The following PHKA1 variants were observed in gnomAD, a reference collection of about 807,000 sequenced individuals.
PHKA1 encodes phosphorylase b kinase regulatory subunit alpha, skeletal muscle isoform.
PHKA1 carries 60 observed loss-of-function variants against 110.2 expected under a neutral mutation model. The observed-to-expected ratio is 0.54, with a 90% confidence interval of 0.44 to 0.68. The LOEUF is 0.68. PHKA1 is among the 30% of genes least tolerant of loss of function. The pLI, the probability that PHKA1 is intolerant of heterozygous loss-of-function variation, is 0.00. For synonymous variants in PHKA1, 316 were observed against 333.6 expected, an observed-to-expected ratio of 0.95 and a Z score of 0.58; for missense variants, 801 against 942.5, an observed-to-expected ratio of 0.85 and a Z score of 1.97.
intron 3 of PHKA1, among the ~76,000 whole-genome samples, chrX:72,696,497 G>A (rs782170722): frequency 3.0e-4 from 33 of 111,139 alleles, no homozygotes; most frequent in African/African-American, 1.1e-3. Flanking sequence ...TGCCTCCTTT[G>A]GAAAGACTTA....
chrX:72,711,537 G>A (rs1243491220), intron 2 of PHKA1, among the ~76,000 whole-genome samples: 1 of 111,608 alleles, frequency 9.0e-6, no homozygotes, highest in Non-Finnish European at 1.9e-5. Flanking sequence ...AAGGTCAGGA[G>A]ATTGAGACCA....
At chrX:72,665,570 G>T (rs1434171200) in intron 8 of PHKA1, among the ~76,000 whole-genome samples, 2 of 111,164 alleles carry the variant, frequency 1.8e-5, no homozygotes, top group African/African-American at 6.6e-5. Context: ...GAGGACACAA[G>T]AACAACAAAA....
At chrX:72,657,072 T>G (rs906664185) in intron 9 of PHKA1, among the ~76,000 whole-genome samples, 1 of 112,028 alleles carries the variant, frequency 8.9e-6, no homozygotes, top group Non-Finnish European at 1.9e-5. Flanking sequence ...GTTCAATCCC[T>G]TTAATGATAC....
At chrX:72,667,254 A>C in intron 7 of PHKA1, 121 bp downstream of exon 7, 1 of 544,687 alleles carries the variant, frequency 1.8e-6, no homozygotes, top group East Asian at 3.6e-5. Flanking sequence ...TTTTTGGTAC[A>C]TGGTAATTAA....
At chrX:72,619,887 T>C (rs2052951636) in intron 19 of PHKA1, among the ~76,000 whole-genome samples, 1 of 112,052 alleles carries the variant, frequency 8.9e-6, no homozygotes, top group Non-Finnish European at 1.9e-5. Flanking sequence ...CTCAAATAAC[T>C]GTTCAAGCAA....
At chrX:72,668,197 C>T (rs1265678629) in intron 6 of PHKA1, among the ~76,000 whole-genome samples, 1 of 111,650 alleles carries the variant, frequency 9.0e-6, no homozygotes. Flanking sequence ...TCCTTGAGGT[C>T]GGGGATTATG....
Position 72,578,957 on chromosome X carries a change from G to A in PHKA1, c.*2045C>T, listed in dbSNP as rs564526188. ...ACTTAAAATGAACAAAAAACAAGTC[G>A]AGTTTTCTTAAAAGTTGCTTTAAAA... is the stretch of plus-strand genomic sequence containing the variant. On this transcript the variant is annotated 3_prime_UTR_variant, in exon 32 of 32. Coordinates refer to ENST00000373542, the MANE Select transcript of PHKA1 (RefSeq NM_002637.4). The A allele has an allele frequency of 6.3e-5, 7 of 111,924 alleles. No homozygotes were observed. In the South Asian group the frequency reaches 2.6e-3, roughly 42 times the overall value. 9.2% of individuals were successfully genotyped at this position (111,924 alleles called of 1,213,427 possible).
intron 29 of PHKA1, among the ~76,000 whole-genome samples, chrX:72,590,473 T>C (rs1329767189): frequency 5.4e-5 from 6 of 112,006 alleles, no homozygotes; most frequent in Non-Finnish European, 1.1e-4. Flanking sequence ...ATAAAAGCCC[T>C]AGAAGAAAAC....
intron 29 of PHKA1, among the ~76,000 whole-genome samples, chrX:72,587,685 C>T (rs1329049983): frequency 1.8e-5 from 2 of 111,144 alleles, no homozygotes; most frequent in Non-Finnish European, 3.8e-5. Context: ...ATTCAGGAGA[C>T]CCATCTCTTG....
At chrX:72,689,715 TG>T (rs2054010850) in intron 4 of PHKA1, among the ~76,000 whole-genome samples, 1 of 112,028 alleles carries the variant, frequency 8.9e-6, no homozygotes, top group Non-Finnish European at 1.9e-5. Flanking sequence ...TCATTTCTCT[TG>T]GGTATATATA....
intron 21 of PHKA1, 142 bp from the exon 22 acceptor site, chrX:72,611,326 T>A (rs1216656781): frequency 7.9e-6 from 4 of 508,659 alleles, no homozygotes; most frequent in Non-Finnish European, 1.4e-5. Flanking sequence ...AGAATCCTTA[T>A]AAAACTATGA....
At chrX:72,610,341 A>T (rs1603255093) in intron 22 of PHKA1, among the ~76,000 whole-genome samples, 2 of 111,228 alleles carry the variant, frequency 1.8e-5, no homozygotes, top group Non-Finnish European at 3.8e-5. Context: ...TCAACTTTTT[A>T]AGCTCGCACA....
chrX:72,644,364 A>G lies in PHKA1; in HGVS notation c.1457T>C (p.Leu486Pro). 8.3e-7 allele frequency: 1 copy of G among 1,209,598 alleles called. No homozygotes were observed. The highest frequency in any genetic ancestry group is 1.1e-6 in the Non-Finnish European group (1 of 893,970). The change falls in exon 14 of 32, where the codon CTA (leucine) becomes CCA (proline). Residue 486 changes from leucine (L) to proline (P), a missense_variant and splice_region_variant. This residue lies in a region of PHKA1 where 299 missense variants were observed against 423.3 expected (regional missense o/e 0.71). Transcript: ENST00000373542. The stretch of plus-strand genomic sequence containing the variant: ...AGCAGGCTAGCCAATCTCCTTACCT[A>G]GGCTGGAATAAATGTGGCTGAGAAT... ...ARILSHIYSS[L>P]GCNNRMKLSG...
In PHKA1 at chrX:72,623,288, G is replaced by A. The variant is rs200368649; in HGVS notation, c.1794-13C>T. On this transcript the variant is annotated splice_polypyrimidine_tract_variant and intron_variant, in intron 17 of 31. Transcript: ENST00000373542. The stretch of plus-strand genomic sequence containing the variant: ...ACCTGTTTGAACCCTAAAAATTAGA[G>A]GAGGATAGAAAACAGAAAATCAGGG... 5 of 1,194,112 alleles carry A rather than the reference G, an allele frequency of 4.2e-6. No homozygotes were observed. Among genetic ancestry groups the A allele is most frequent in the Non-Finnish European group, 5.7e-6 (5 of 880,818 alleles).
At chrX:72,655,360 CCATGATCA>C (rs782793714) in intron 10 of PHKA1, among the ~76,000 whole-genome samples, 1 of 111,699 alleles carries the variant, frequency 9.0e-6, no homozygotes, top group Non-Finnish European at 1.9e-5. Flanking sequence ...CTGCAGTGAG[CCATGATCA>C]CGCCACTGCA....
At chrX:72,638,522 G>A (rs1356056419) in intron 14 of PHKA1, among the ~76,000 whole-genome samples, 3 of 110,469 alleles carry the variant, frequency 2.7e-5, no homozygotes, top group Admixed American at 9.6e-5. Flanking sequence ...TGCTGAATAC[G>A]GTGTATAAAG....
intron 28 of PHKA1, chrX:72,599,946 T>C (rs2052637337): frequency 4.2e-6 from 2 of 478,156 alleles, no homozygotes; most frequent in East Asian, 3.7e-5. Context: ...AAGTCACTAG[T>C]GGAGTAAAAA....
At chrX:72,653,330 A>G in intron 11 of PHKA1, 105 bp downstream of exon 11, 1 of 552,542 alleles carries the variant, frequency 1.8e-6, no homozygotes, top group South Asian at 2.6e-5. Flanking sequence ...AAGCTTTCAG[A>G]ACAACAAAAT....
At chrX:72,657,030 TCCATTA>T (rs1200527887) in intron 9 of PHKA1, among the ~76,000 whole-genome samples, 1 of 112,190 alleles carries the variant, frequency 8.9e-6, no homozygotes, top group Non-Finnish European at 1.9e-5. Context: ...AAACAATGTT[TCCATTA>T]CCAGTGAAAG....
Sources: allele counts gnomAD v4.1 joint callset (sites outside exome capture counted in the v4.1 genomes callset), GRCh38; gene constraint gnomAD v4.1.1; regional missense constraint gnomAD v4.1.1; transcripts MANE v1.5; gene names NCBI Gene and HGNC (gene_info 2026-07-23, HGNC 2026-07-21).